SLC38A1: variants seen among roughly 807,000 people sequenced by gnomAD.
The protein encoded by SLC38A1 is solute carrier family 38 member 1, also known as sodium-coupled neutral amino acid symporter 1.
In SLC38A1, 18 loss-of-function variants were observed where a neutral mutation model predicts 60.3. The ratio of observed to expected loss-of-function variants is 0.30; its 90% confidence interval spans 0.21 to 0.44. The LOEUF (loss-of-function observed/expected upper bound fraction) is 0.44, where lower values mean the gene tolerates loss of function less well. SLC38A1 is among the 20% of genes least tolerant of loss of function. SLC38A1 has a pLI of 1.00. For synonymous variants in SLC38A1, 196 were observed against 212.1 expected (o/e 0.92, Z 0.66); for missense variants, 448 against 587.2 (o/e 0.76, Z 2.45).
chr12:46,268,082 C>A lies in SLC38A1; in HGVS notation c.-209+444G>T, dbSNP rs970120410. Among the ~76,000 whole-genome samples the A allele has an allele frequency of 4.6e-5, 7 of 152,122 alleles. No homozygotes were observed. The highest frequency in any genetic ancestry group is 1.3e-4 in the Admixed American group (2 of 15,272). ...ATCACACGATCTCCTCTGGGCCTTG[C>A]GGACACAGGAAATTTTCACCAAAGG... On this transcript the variant is annotated intron_variant, in intron 1 of 16. Transcript: ENST00000398637. The surrounding 1 kb of genome is among the most constrained non-coding windows in gnomAD (Gnocchi z 4.4).
intron 1 of SLC38A1, among the ~76,000 whole-genome samples, chr12:46,260,723 T>G (rs1942169703): frequency 6.6e-6 from 1 of 152,216 alleles, no homozygotes. Context: ...AACTTGAGTA[T>G]GGCTTTCATA....
intron 5 of SLC38A1, among the ~76,000 whole-genome samples, chr12:46,227,953 T>C (rs769576423): frequency 1.3e-4 from 20 of 152,132 alleles, no homozygotes; most frequent in Admixed American, 8.5e-4. Flanking sequence ...AGTCAGAATT[T>C]CACATATACT....
In SLC38A1 at chr12:46,206,075, C is replaced by T. The variant is rs748357352; in HGVS notation, c.646+5G>A. 1.4e-5 allele frequency: 22 copies of T among 1,599,360 alleles called. No homozygotes were observed. The highest frequency in any genetic ancestry group is 2.7e-5 in the African/African-American group (2 of 74,366). ...GAATATGATAAAAGCAAAATCTGTC[C>T]TTACCTAAGTTCTTCAAGAGACACA... On this transcript the variant is annotated splice_donor_5th_base_variant and intron_variant, in intron 9 of 16. Transcript: ENST00000398637.
intron 1 of SLC38A1, among the ~76,000 whole-genome samples, chr12:46,261,045 G>C (rs1942180385): frequency 6.6e-6 from 1 of 152,040 alleles, no homozygotes; most frequent in Non-Finnish European, 1.5e-5. Flanking sequence ...TTCCATTCCT[G>C]CAATGGGTCT....
chr12:46,267,464 C>A (rs1222632317), intron 1 of SLC38A1: 1 of 152,434 alleles, frequency 6.6e-6, no homozygotes, highest in Non-Finnish European at 1.5e-5. Context: ...CGCGAAATTC[C>A]TTTTGCTGCC....
intron 16 of SLC38A1, among the ~76,000 whole-genome samples, chr12:46,191,220 T>G (rs1939132010): frequency 6.6e-6 from 1 of 152,224 alleles, no homozygotes; most frequent in South Asian, 2.1e-4. Flanking sequence ...TTTTGTCAGG[T>G]TTGTCAAAGA....
intron 16 of SLC38A1, among the ~76,000 whole-genome samples, chr12:46,193,858 G>A (rs964802842): frequency 5.9e-5 from 9 of 152,090 alleles, no homozygotes; most frequent in Non-Finnish European, 1.3e-4. Context: ...CCTCAATACA[G>A]CACACTGATG....
chr12:46,218,634 G>A (rs1385546177), intron 5 of SLC38A1, among the ~76,000 whole-genome samples: 1 of 152,108 alleles, frequency 6.6e-6, no homozygotes, highest in Non-Finnish European at 1.5e-5. Flanking sequence ...TGCCTAGACA[G>A]AACCACTTTA....
intron 5 of SLC38A1, among the ~76,000 whole-genome samples, chr12:46,226,540 T>G (rs923989741): frequency 6.6e-6 from 1 of 150,568 alleles, no homozygotes; most frequent in Non-Finnish European, 1.5e-5. Flanking sequence ...GTCTAGAAGG[T>G]CCAAAATCTG....
Position 46,188,916 on chromosome 12 carries a change from G to A in SLC38A1, c.*54C>T. On this transcript the variant is annotated 3_prime_UTR_variant, in exon 17 of 17. Coordinates refer to ENST00000398637, the MANE Select transcript of SLC38A1 (RefSeq NM_030674.4). ...AAAGAAGTGGTGAGAGATTGCTGAT[G>A]TGTGGGGACTTGACTGAGCAGACAA... 1.4e-6 allele frequency: 2 copies of A among 1,392,094 alleles called. No homozygotes were observed. Among genetic ancestry groups the A allele is most frequent in the African/African-American group, 2.8e-5 (2 of 70,476 alleles). The allele number at this position is 1,392,094 out of a possible 1,614,324, so 86.2% of individuals were successfully genotyped here.
chr12:46,263,657 C>A (rs1395009940), intron 1 of SLC38A1, among the ~76,000 whole-genome samples: 1 of 152,044 alleles, frequency 6.6e-6, no homozygotes, highest in East Asian at 1.9e-4. Context: ...CTATCCCTTT[C>A]TTTTTCCTTT....
chr12:46,196,528 C>T (rs368476199), intron 16 of SLC38A1, among the ~76,000 whole-genome samples: 25 of 152,334 alleles, frequency 1.6e-4, no homozygotes, highest in Middle Eastern at 3.4e-3. Flanking sequence ...GTTTCTTCCT[C>T]TCTGTCCTCA....
intron 3 of SLC38A1, among the ~76,000 whole-genome samples, chr12:46,236,461 T>C (rs1384315400): frequency 2.6e-5 from 4 of 152,092 alleles, no homozygotes; most frequent in Non-Finnish European, 5.9e-5. Flanking sequence ...GGAAAGGTAT[T>C]ATTATTATCC....
chr12:46,199,925 C>T (rs1181615539), intron 13 of SLC38A1, among the ~76,000 whole-genome samples: 1 of 152,202 alleles, frequency 6.6e-6, no homozygotes, highest in Non-Finnish European at 1.5e-5. Context: ...ACCAATCTCA[C>T]TAGTTCTAAT....
In SLC38A1 at chr12:46,196,165, A is replaced by C. The variant is rs747880081; in HGVS notation, c.1362+1555T>G. ...CTAAATCCAGAATCCAGAGAACACAAGATTATAAGTTCCTTGCGCTTGAGC... is the reference window on the plus strand; with the variant it reads ...CTAAATCCAGAATCCAGAGAACACACGATTATAAGTTCCTTGCGCTTGAGC... On this transcript the variant is annotated intron_variant, in intron 16 of 16. Coordinates refer to ENST00000398637, the MANE Select transcript of SLC38A1 (RefSeq NM_030674.4). 16 of 1,536,054 alleles carry C rather than the reference A, an allele frequency of 1.0e-5. No individual in the cohort carries two copies. The South Asian group carries it at 1.9e-4, about 18-fold the overall frequency.
intron 14 of SLC38A1, 109 bp downstream of exon 14, chr12:46,198,516 T>A (rs1565751966): frequency 2.9e-6 from 2 of 685,886 alleles, no homozygotes; most frequent in East Asian, 2.8e-5. Flanking sequence ...GCAGATTCAA[T>A]AACCCAGGAA....
intron 13 of SLC38A1, among the ~76,000 whole-genome samples, chr12:46,199,215 G>A (rs760445358): frequency 6.6e-6 from 1 of 151,626 alleles, no homozygotes; most frequent in South Asian, 2.1e-4. Context: ...AAGCAGCAGA[G>A]ACACTAGTTG....
At chr12:46,192,665 G>A (rs770010848) in intron 16 of SLC38A1, among the ~76,000 whole-genome samples, 1 of 152,144 alleles carries the variant, frequency 6.6e-6, no homozygotes, top group Non-Finnish European at 1.5e-5. Flanking sequence ...TCTTGGGAGG[G>A]TTTATGTGCC....
Position 46,229,278 on chromosome 12 carries a change from GA to G in SLC38A1, c.199-11del. 1.3e-6 allele frequency: 2 copies of G among 1,571,766 alleles called. No homozygotes were observed. The stretch of plus-strand genomic sequence containing the variant: ...AGGTTGTACCTGGAATCTGAACAAA[GA>G]AACAAACATTGACACTAAGCAAAAT... On this transcript the variant is annotated splice_polypyrimidine_tract_variant and intron_variant, in intron 4 of 16. Coordinates refer to ENST00000398637, the MANE Select transcript of SLC38A1 (RefSeq NM_030674.4).
Sources: gnomAD v4.1 joint callset for allele counts (sites outside exome capture counted in the v4.1 genomes callset) on GRCh38, gnomAD v4.1.1 for gene constraint, Gnocchi (gnomAD v3.1) non-coding constraint, MANE v1.5 for transcripts, NCBI Gene and HGNC (gene_info 2026-07-23, HGNC 2026-07-21) for gene names.